The following CHST11 variants were observed in gnomAD, a reference collection of about 807,000 sequenced individuals.
The protein encoded by CHST11 is C4S-1.
In CHST11, 9 loss-of-function variants were observed where a neutral mutation model predicts 30.4. That is an observed-to-expected ratio of 0.30 (90% CI 0.18 to 0.52). The LOEUF (loss-of-function observed/expected upper bound fraction) is 0.52. CHST11 is among the 20% of genes least tolerant of loss of function. CHST11 has a pLI of 0.97. For synonymous variants in CHST11, 152 were observed against 187.8 expected, an observed-to-expected ratio of 0.81 and a Z score of 1.56; for missense variants, 348 against 460.6, an observed-to-expected ratio of 0.76 and a Z score of 2.24.
intron 1 of CHST11, among the ~76,000 whole-genome samples, chr12:104,499,320 G>A (rs2037830020): frequency 6.6e-6 from 1 of 152,308 alleles, no homozygotes; most frequent in Admixed American, 6.5e-5. Context: ...TGACCAGCCA[G>A]TGGGGCCCCA....
chr12:104,760,337 T>C lies in CHST11; in HGVS notation c.*2534T>C, dbSNP rs1347419864. The C allele has an allele frequency of 4.6e-5, 7 of 152,130 alleles. No homozygotes were observed. Among genetic ancestry groups the C allele is most frequent in the Non-Finnish European group, 1.0e-4 (7 of 68,030 alleles). The allele number at this position is 152,130 out of a possible 1,614,324, so 9.4% of individuals were successfully genotyped here. A position where few individuals can be genotyped will look rare whatever the true frequency, so the allele number is the denominator to read the frequency against. On this transcript the variant is annotated 3_prime_UTR_variant, in exon 3 of 3. Transcript: ENST00000303694. ...GTACTTTATTTAATGAAGCAATGGT[T>C]CTAATCCTGGATACTGCCACGGACT...
At chr12:104,633,274 C>T (rs1047640418) in intron 2 of CHST11, among the ~76,000 whole-genome samples, 2 of 152,176 alleles carry the variant, frequency 1.3e-5, no homozygotes, top group African/African-American at 4.8e-5. Context: ...GATTTCTTCA[C>T]TGCCTCCTAT....
rs59114695 is a variant in CHST11, at chr12:104,481,780, T to TTTACTTCCTTCCTTCC, written c.118+24253_118+24254insACTTCCTTCCTTCCTT. 8.5e-4 allele frequency among the ~76,000 whole-genome samples: 128 copies of TTTACTTCCTTCCTTCC among 150,808 alleles called. 1 individual carries two copies. The East Asian group carries it at 0.012, about 14-fold the overall frequency. On this transcript the variant is annotated intron_variant, in intron 1 of 2. Coordinates refer to ENST00000303694, the MANE Select transcript of CHST11 (RefSeq NM_018413.6). ...GTAAATAGGACTGTTTCCTTCCTTC[T>TTTACTTCCTTCCTTCC]TTCCTTCCTTCCTTCCTTCCTTCCT...
chr12:104,605,539 A>G (rs1396435461), intron 2 of CHST11, among the ~76,000 whole-genome samples: 8 of 152,226 alleles, frequency 5.3e-5, no homozygotes. Context: ...AGATTGCGCC[A>G]CTGCAGTCCA....
At chr12:104,750,777 A>G (rs1262360862) in intron 2 of CHST11, among the ~76,000 whole-genome samples, 1 of 152,170 alleles carries the variant, frequency 6.6e-6, no homozygotes, top group East Asian at 1.9e-4. Context: ...ATTTTTAATA[A>G]TTTAAATCAA....
intron 1 of CHST11, among the ~76,000 whole-genome samples, chr12:104,579,789 A>T (rs1052686215): frequency 3.3e-5 from 5 of 152,216 alleles, no homozygotes; most frequent in African/African-American, 9.6e-5. Flanking sequence ...TATCCCACAG[A>T]TGGAAGGTAA....
chr12:104,534,317 A>G (rs1256565321), intron 1 of CHST11, among the ~76,000 whole-genome samples: 1 of 152,192 alleles, frequency 6.6e-6, no homozygotes, highest in African/African-American at 2.4e-5. Flanking sequence ...TATGGGCCAC[A>G]AATGAAGACC....
intron 1 of CHST11, among the ~76,000 whole-genome samples, chr12:104,482,640 A>G (rs2037637975): frequency 6.6e-6 from 1 of 152,088 alleles, no homozygotes; most frequent in Admixed American, 6.6e-5. Flanking sequence ...ATAAGAGCTG[A>G]CAATTATGGA....
At chr12:104,628,270 A>G (rs1489492674) in intron 2 of CHST11, among the ~76,000 whole-genome samples, 1 of 151,982 alleles carries the variant, frequency 6.6e-6, no homozygotes, top group Non-Finnish European at 1.5e-5. Flanking sequence ...CTTTTAAGGG[A>G]TTTCTCTCCA....
intron 2 of CHST11, among the ~76,000 whole-genome samples, chr12:104,722,428 G>A (rs757750870): frequency 7.2e-5 from 11 of 152,092 alleles, no homozygotes; most frequent in African/African-American, 1.9e-4. Context: ...TGCCCTAACC[G>A]TGGTTTTTAG....
chr12:104,676,850 G>C lies in CHST11; in HGVS notation c.204+74859G>C, dbSNP rs2039747148. On this transcript the variant is annotated intron_variant, in intron 2 of 2. Transcript: ENST00000303694. The surrounding 1 kb of genome is among the most constrained non-coding windows in gnomAD (Gnocchi z 4.4). ...CACAGGTTCCAGGGATTAGGATGCG[G>C]CCTTTTGGGCGTGTCATTCTGCCTA... 6.6e-6 allele frequency among the ~76,000 whole-genome samples: 1 copy of C among 152,200 alleles called. No individual in the cohort carries two copies. The highest frequency in any genetic ancestry group is 6.5e-5 in the Admixed American group (1 of 15,280).
intron 1 of CHST11, among the ~76,000 whole-genome samples, chr12:104,578,763 T>C (rs149411457): frequency 7.9e-5 from 12 of 152,246 alleles, no homozygotes; most frequent in East Asian, 3.9e-4. Flanking sequence ...ACAGTGTTAA[T>C]TGGAGATAGA....
rs144780100 is a variant in CHST11 at position 104,751,897 on chromosome 12, C to T, written c.205-5052C>T. Among the ~76,000 whole-genome samples the T allele has an allele frequency of 9.8e-4, 150 of 152,322 alleles. 2 individuals carry two copies. In the Middle Eastern group the frequency reaches 0.027, roughly 28 times the overall value. The stretch of plus-strand genomic sequence containing the variant: ...CTTTACAAGTACCCTAATACACTGT[C>T]CTTATTCTTCTATATAAAATAGCCT... On this transcript the variant is annotated intron_variant, in intron 2 of 2. Coordinates refer to ENST00000303694, the MANE Select transcript of CHST11 (RefSeq NM_018413.6).
chr12:104,563,112 C>T (rs1408247929), intron 1 of CHST11, among the ~76,000 whole-genome samples: 1 of 152,116 alleles, frequency 6.6e-6, no homozygotes, highest in Non-Finnish European at 1.5e-5. Flanking sequence ...ATGATCTTGG[C>T]TCACTCAACC....
intron 2 of CHST11, among the ~76,000 whole-genome samples, chr12:104,674,638 A>C (rs781384769): frequency 6.6e-6 from 1 of 152,216 alleles, no homozygotes; most frequent in Non-Finnish European, 1.5e-5. Flanking sequence ...ATAAATGTTT[A>C]TAGAATTAAT....
At chr12:104,514,452 G>T in intron 1 of CHST11, 3 of 809,228 alleles carry the variant, frequency 3.7e-6, no homozygotes, top group Non-Finnish European at 2.2e-6. Context: ...CTCTGTGGGG[G>T]TCACCTGCCT....
At chr12:104,636,528 G>A (rs2039324539) in intron 2 of CHST11, among the ~76,000 whole-genome samples, 1 of 152,140 alleles carries the variant, frequency 6.6e-6, no homozygotes. Context: ...TGGCCTTCAG[G>A]TAAAGAGCCA....
chr12:104,572,599 C>T (rs1160373481), intron 1 of CHST11, among the ~76,000 whole-genome samples: 1 of 151,922 alleles, frequency 6.6e-6, no homozygotes, highest in Non-Finnish European at 1.5e-5. Context: ...TTTGATTCTT[C>T]TCTCTTTTCT....
At chr12:104,561,295 C>T (rs1211968706) in intron 1 of CHST11, among the ~76,000 whole-genome samples, 1 of 152,206 alleles carries the variant, frequency 6.6e-6, no homozygotes, top group Non-Finnish European at 1.5e-5. Flanking sequence ...TTGTTCTGCC[C>T]CCACACTGAG....
Sources: gnomAD v4.1 joint callset for allele counts (sites outside exome capture counted in the v4.1 genomes callset) on GRCh38, gnomAD v4.1.1 for gene constraint, Gnocchi (gnomAD v3.1) non-coding constraint, MANE v1.5 for transcripts, NCBI Gene and HGNC (gene_info 2026-07-23, HGNC 2026-07-21) for gene names.